The following BMPR1B variants were observed in gnomAD, a reference collection of about 807,000 sequenced individuals.
BMPR1B encodes the protein bone morphogenetic protein receptor type 1B.
BMPR1B carries 12 observed loss-of-function variants against 59.1 expected under a neutral mutation model. The ratio of observed to expected loss-of-function variants is 0.20; its 90% confidence interval spans 0.13 to 0.33. The LOEUF (loss-of-function observed/expected upper bound fraction) is 0.33, where lower values mean the gene tolerates loss of function less well. BMPR1B is among the 10% of genes least tolerant of loss of function. The pLI is 1.00. For synonymous variants in BMPR1B, 237 were observed against 207.3 expected (o/e 1.14, Z -1.23); for missense variants, 550 against 610.9 (o/e 0.90, Z 1.05).
chr4:94,766,431 CTT>C (rs1433195429), intron 1 of BMPR1B, among the ~76,000 whole-genome samples: 1 of 132,328 alleles, frequency 7.6e-6, no homozygotes, highest in South Asian at 2.5e-4. Context: ...TTTTTAAACT[CTT>C]TTTCTTTTTA....
chr4:94,981,062 T>C (rs981680663), intron 2 of BMPR1B, among the ~76,000 whole-genome samples: 1 of 151,768 alleles, frequency 6.6e-6, no homozygotes, highest in Admixed American at 6.6e-5. Context: ...ATACAGTGAA[T>C]TCCATGACCA....
chr4:95,109,846 G>A (rs1477279006), intron 4 of BMPR1B, among the ~76,000 whole-genome samples: 3 of 147,980 alleles, frequency 2.0e-5, no homozygotes, highest in Admixed American at 6.8e-5. Context: ...ATCTCCTAAT[G>A]CTATCCCTCC....
At chr4:94,985,361 C>T (rs1721331345) in intron 2 of BMPR1B, among the ~76,000 whole-genome samples, 1 of 152,036 alleles carries the variant, frequency 6.6e-6, no homozygotes, top group South Asian at 2.1e-4. Flanking sequence ...AGACAAGCTC[C>T]AGAGATTCAG....
chr4:95,090,878 T>A (rs1468046064), intron 3 of BMPR1B, among the ~76,000 whole-genome samples: 1 of 152,060 alleles, frequency 6.6e-6, no homozygotes, highest in Admixed American at 6.6e-5. Flanking sequence ...ATATGGTAGA[T>A]TTAATAAAAA....
chr4:95,145,004 T>G (rs1734540416), intron 10 of BMPR1B, among the ~76,000 whole-genome samples: 1 of 152,208 alleles, frequency 6.6e-6, no homozygotes, highest in Non-Finnish European at 1.5e-5. Flanking sequence ...TTTTAACTTA[T>G]ACTATACTTA....
intron 2 of BMPR1B, among the ~76,000 whole-genome samples, chr4:94,986,277 A>G (rs1248843177): frequency 5.3e-5 from 8 of 152,094 alleles, no homozygotes; most frequent in African/African-American, 7.2e-5. Context: ...CCTCAGCTCA[A>G]TTGCACCTCT....
intron 4 of BMPR1B, among the ~76,000 whole-genome samples, chr4:95,105,842 G>T (rs954002937): frequency 1.3e-5 from 2 of 151,968 alleles, no homozygotes; most frequent in Admixed American, 6.6e-5. Flanking sequence ...TATCAGGAGA[G>T]TTTAAAAATG....
intron 3 of BMPR1B, among the ~76,000 whole-genome samples, chr4:95,022,254 T>C (rs1302776869): frequency 6.6e-6 from 1 of 152,192 alleles, no homozygotes; most frequent in East Asian, 1.9e-4. Context: ...AAAGAAAATA[T>C]GAAAACTCCC....
intron 1 of BMPR1B, among the ~76,000 whole-genome samples, chr4:94,841,383 A>G (rs989868107): frequency 6.6e-6 from 1 of 150,380 alleles, no homozygotes. Flanking sequence ...TTGCAGTTTG[A>G]TCTCAGACTG....
chr4:95,020,666 C>T (rs1052141662), intron 3 of BMPR1B, among the ~76,000 whole-genome samples: 11 of 151,406 alleles, frequency 7.3e-5, no homozygotes, highest in African/African-American at 2.7e-4. Flanking sequence ...TAAATGGTGC[C>T]GTCTACTGGT....
chr4:95,006,827 C>T (rs935487435), intron 3 of BMPR1B, among the ~76,000 whole-genome samples: 1 of 152,068 alleles, frequency 6.6e-6, no homozygotes, highest in Non-Finnish European at 1.5e-5. Flanking sequence ...GCATGAGCCA[C>T]CACGCCCAGC....
intron 1 of BMPR1B, among the ~76,000 whole-genome samples, chr4:94,778,745 TA>T (rs2110582962): frequency 6.6e-6 from 1 of 152,342 alleles, no homozygotes; most frequent in Non-Finnish European, 1.5e-5. Flanking sequence ...AGTGGGGTCA[TA>T]ACTGATGTTT....
At chr4:95,131,721 A>G (rs965262388) in intron 10 of BMPR1B, among the ~76,000 whole-genome samples, 1 of 152,150 alleles carries the variant, frequency 6.6e-6, no homozygotes, top group African/African-American at 2.4e-5. Flanking sequence ...TTGCTTAGAG[A>G]CTGTTCACAT....
intron 2 of BMPR1B, among the ~76,000 whole-genome samples, chr4:94,897,828 G>T (rs1322657541): frequency 2.6e-5 from 4 of 151,154 alleles, no homozygotes; most frequent in African/African-American, 9.7e-5. Flanking sequence ...TAATTTATAA[G>T]ATTTGATCTG....
At chr4:94,973,894 CCTTG>C (rs1234549533) in intron 2 of BMPR1B, among the ~76,000 whole-genome samples, 1 of 152,006 alleles carries the variant, frequency 6.6e-6, no homozygotes, top group Non-Finnish European at 1.5e-5. Context: ...AATTTATGGT[CCTTG>C]CTTTGGATAA....
At chr4:94,856,087 A>G (rs1725744244) in intron 1 of BMPR1B, among the ~76,000 whole-genome samples, 2 of 152,198 alleles carry the variant, frequency 1.3e-5, no homozygotes, top group Non-Finnish European at 2.9e-5. Flanking sequence ...CATTTCTTTC[A>G]CCTATAAGGA....
intron 3 of BMPR1B, among the ~76,000 whole-genome samples, chr4:95,069,377 CT>C (rs1295629875): frequency 2.0e-5 from 3 of 152,186 alleles, no homozygotes; most frequent in Admixed American, 2.0e-4. Context: ...TACTGTTATT[CT>C]TGCTGGACAA....
chr4:94,856,551 A>G (rs528027722), intron 1 of BMPR1B, among the ~76,000 whole-genome samples: 2 of 152,312 alleles, frequency 1.3e-5, no homozygotes, highest in African/African-American at 4.8e-5. Context: ...ACAATATGTA[A>G]CAAGAAGGTC....
chr4:95,133,633 A>T (rs1298713842), intron 10 of BMPR1B, among the ~76,000 whole-genome samples: 1 of 151,992 alleles, frequency 6.6e-6, no homozygotes, highest in Non-Finnish European at 1.5e-5. Flanking sequence ...GTGCAGTGGC[A>T]CCATCACAAC....
Sources: gnomAD v4.1 joint callset for allele counts (sites outside exome capture counted in the v4.1 genomes callset) on GRCh38, gnomAD v4.1.1 for gene constraint, MANE v1.5 for transcripts, NCBI Gene and HGNC (gene_info 2026-07-23, HGNC 2026-07-21) for gene names.